Variants in PRR11 observed in about 807,000 individuals in gnomAD.
PRR11 encodes proline rich 11.
A neutral mutation model predicts 45.6 loss-of-function variants in PRR11; 30 were observed. The ratio of observed to expected loss-of-function variants is 0.66; its 90% CI spans 0.49 to 0.89. The LOEUF is 0.89. Ranked by LOEUF, PRR11 falls within the 40% of genes least tolerant of loss-of-function variation. The probability of loss-of-function intolerance (pLI) is 0.00; values close to 1 mark genes in which losing one functional copy is unlikely to be tolerated. For synonymous variants in PRR11, 128 were observed against 153.5 expected, an observed-to-expected ratio of 0.83 and a Z score of 1.23; for missense variants, 373 against 424.8, an observed-to-expected ratio of 0.88 and a Z score of 1.07.
At chr17:59,188,342 T>TA (rs1298967714) in intron 4 of PRR11, among the ~76,000 whole-genome samples, 1 of 152,186 alleles carries the variant, frequency 6.6e-6, no homozygotes, top group African/African-American at 2.4e-5. Context: ...CCTAAATTGA[T>TA]AAAACCTCTG....
chr17:59,184,655 C>T (rs1325438220), intron 2 of PRR11, among the ~76,000 whole-genome samples: 1 of 152,004 alleles, frequency 6.6e-6, no homozygotes, highest in African/African-American at 2.4e-5. Flanking sequence ...CGCTTTAAAC[C>T]GCCAGAGCTG....
intron 2 of PRR11, chr17:59,175,095 T>A (rs1599696400): frequency 1.8e-6 from 1 of 568,924 alleles, no homozygotes; most frequent in East Asian, 4.6e-5. Context: ...TTTGGAGGCC[T>A]CGTTGTCCTC....
At chr17:59,193,403 A>G in intron 4 of PRR11, 89 bp from the exon 5 acceptor site, 1 of 1,495,590 alleles carries the variant, frequency 6.7e-7, no homozygotes, top group Non-Finnish European at 9.2e-7. Context: ...AAAGCATTCA[A>G]TACATGGTAG....
chr17:59,163,535 A>G (rs28827608), intron 1 of PRR11: 60 of 152,350 alleles, frequency 3.9e-4, no homozygotes, highest in African/African-American at 1.4e-3. Flanking sequence ...TTTACAGAAC[A>G]GTAAAACTCT....
At chr17:59,173,417 G>C (rs2046722432) in intron 2 of PRR11, among the ~76,000 whole-genome samples, 1 of 152,190 alleles carries the variant, frequency 6.6e-6, no homozygotes, top group Non-Finnish European at 1.5e-5. Flanking sequence ...GTCACTCTTT[G>C]GGTCCGCACT....
intron 1 of PRR11, among the ~76,000 whole-genome samples, chr17:59,168,376 G>A (rs1215185984): frequency 1.3e-5 from 2 of 152,032 alleles, no homozygotes; most frequent in Non-Finnish European, 2.9e-5. Flanking sequence ...TGCCATGTTG[G>A]CCAGGCTGGT....
chr17:59,191,563 A>G (rs187802205), intron 4 of PRR11, among the ~76,000 whole-genome samples: 243 of 152,188 alleles, frequency 1.6e-3, no homozygotes, highest in Non-Finnish European at 2.5e-3. Flanking sequence ...AGACCTCTGG[A>G]TATACCACCT....
rs143584301 is a variant in PRR11, at chr17:59,182,206, T to C, written c.129-2848T>C. Among the ~76,000 whole-genome samples the C allele has an allele frequency of 7.4e-3, 1,130 of 151,914 alleles. 5 individuals are homozygous for C. Among genetic ancestry groups the C allele is most frequent in the South Asian group, 0.015 (71 of 4,798 alleles). ...TAATGCCCAGCTCAATTTTGTACTTTTAGTAGAGATGGGGTTTCACCATGT... is the reference window on the plus strand; with the variant it reads ...TAATGCCCAGCTCAATTTTGTACTTCTAGTAGAGATGGGGTTTCACCATGT... On this transcript the variant is annotated intron_variant, in intron 2 of 9. Transcript: ENST00000262293.
At chr17:59,169,683 ATTTGTGTAC>A in intron 1 of PRR11, 56 bp from the exon 2 acceptor site, 1 of 1,366,142 alleles carries the variant, frequency 7.3e-7, no homozygotes, top group African/African-American at 1.5e-5. Flanking sequence ...TACACTTAAG[ATTTGTGTAC>A]TTTCTATATG....
In PRR11 at chr17:59,169,774, A is replaced by G. The variant is rs774549505; in HGVS notation, c.22A>G (p.Arg8Gly). 64 of 1,598,474 alleles carry G rather than the reference A, an allele frequency of 4.0e-5. No individual in the cohort carries two copies. Among genetic ancestry groups the G allele is most frequent in the Non-Finnish European group, 5.4e-5 (63 of 1,176,132 alleles). MPKFKQR[R>G]RKLKAKAERL... is the part of the protein sequence containing the mutation. Reference sequence around the variant, plus strand: ...AATCATGCCCAAGTTCAAACAACGAAGACGAAAGCTAAAAGCCAAAGCCGA... The same window carrying G: ...AATCATGCCCAAGTTCAAACAACGAGGACGAAAGCTAAAAGCCAAAGCCGA... Residue 8 changes from arginine to glycine, a missense_variant, in exon 2 of 10, where the codon AGA (arginine) becomes GGA (glycine). Physicochemically the swap from Arg to Gly is moderately radical, Grantham distance 125 (BLOSUM62 -2). Transcript: ENST00000262293.
intron 2 of PRR11, chr17:59,181,548 C>T (rs1336621349): frequency 8.2e-7 from 1 of 1,214,488 alleles, no homozygotes; most frequent in African/African-American, 1.5e-5. Context: ...GCTCAGGGAG[C>T]ACGAATGACA....
chr17:59,195,193 C>A, intron 6 of PRR11, 138 bp from the exon 7 acceptor site: 1 of 666,802 alleles, frequency 1.5e-6, no homozygotes, highest in Non-Finnish European at 2.6e-6. Flanking sequence ...TCCTTTGAAG[C>A]TCTGGAATAA....
chr17:59,188,029 T>C (rs2046822387), intron 4 of PRR11, among the ~76,000 whole-genome samples: 1 of 152,138 alleles, frequency 6.6e-6, no homozygotes, highest in South Asian at 2.1e-4. Flanking sequence ...TACAGAACTT[T>C]TACTTACATC....
At chr17:59,171,034 C>A (rs540073586) in intron 2 of PRR11, among the ~76,000 whole-genome samples, 1 of 151,782 alleles carries the variant, frequency 6.6e-6, no homozygotes, top group Non-Finnish European at 1.5e-5. Flanking sequence ...CCGAGGCGGG[C>A]GGATCATGAG....
chr17:59,181,189 C>T (rs2046783571), intron 2 of PRR11, among the ~76,000 whole-genome samples: 1 of 151,180 alleles, frequency 6.6e-6, no homozygotes, highest in African/African-American at 2.5e-5. Flanking sequence ...TGTGTTTCAC[C>T]ATGTTAGCCA....
rs528157485 is a variant in PRR11, at chr17:59,204,008, G to A, written c.*2377G>A. 5 of 151,862 alleles carry A rather than the reference G, an allele frequency of 3.3e-5. No individual in the cohort carries two copies. Among genetic ancestry groups the A allele is most frequent in the African/African-American group, 9.7e-5 (4 of 41,428 alleles). 9.4% of individuals were successfully genotyped at this position (151,862 alleles called of 1,614,324 possible). A position where few individuals can be genotyped will look rare whatever the true frequency, so the allele number is the denominator to read the frequency against. ...TTATAACAATAATATTTTATGGGGC[G>A]CTTATAATGTTTATAATATTGTAAA... On this transcript the variant is annotated 3_prime_UTR_variant, in exon 10 of 10. Coordinates refer to ENST00000262293, the MANE Select transcript of PRR11 (RefSeq NM_018304.4).
At chr17:59,181,597 C>T in intron 2 of PRR11, 4 of 1,390,822 alleles carry the variant, frequency 2.9e-6, no homozygotes, top group South Asian at 1.1e-5. Context: ...TTTGAGCCCA[C>T]ACAGCATCTC....
intron 2 of PRR11, among the ~76,000 whole-genome samples, chr17:59,180,519 G>GTTTTTTTTGTT (rs1555716465): frequency 3.3e-5 from 4 of 122,930 alleles, no homozygotes; most frequent in Non-Finnish European, 6.5e-5. Context: ...TGTTTTTTTT[G>GTTTTTTTTGTT]TTTTTTTTGC....
chr17:59,160,137 T>G (rs2046644355), intron 1 of PRR11, among the ~76,000 whole-genome samples: 1 of 152,162 alleles, frequency 6.6e-6, no homozygotes, highest in Non-Finnish European at 1.5e-5. Context: ...ACTTATTGCC[T>G]GCCAGGCACT....
Sources: allele counts gnomAD v4.1 joint callset (sites outside exome capture counted in the v4.1 genomes callset), GRCh38; gene constraint gnomAD v4.1.1; transcripts MANE v1.5; gene names NCBI Gene and HGNC (gene_info 2026-07-23, HGNC 2026-07-21).